Variants in TPP2 observed in about 807,000 individuals in gnomAD.
TPP2 encodes tripeptidyl peptidase 2.
Under a neutral mutation model 155.9 loss-of-function variants are expected in TPP2, and 34 were observed. The observed-to-expected ratio is 0.22, with a 90% CI of 0.17 to 0.29. The LOEUF (loss-of-function observed/expected upper bound fraction) is 0.29. Among genes scored for constraint, TPP2 ranks in the 10% least tolerant of loss-of-function variants. The probability of loss-of-function intolerance (pLI) is 1.00; values close to 1 mark genes in which losing one functional copy is unlikely to be tolerated. For missense variants in TPP2, 1,028 were observed against 1,522.3 expected, an observed-to-expected ratio of 0.68 and a Z score of 5.40; for synonymous variants, 510 against 529.4, an observed-to-expected ratio of 0.96 and a Z score of 0.50.
intron 8 of TPP2, among the ~76,000 whole-genome samples, 164 bp from the exon 9 acceptor site, chr13:102,629,318 T>A (rs975716577): frequency 6.6e-6 from 1 of 152,156 alleles, no homozygotes; most frequent in Admixed American, 6.5e-5. Flanking sequence ...TTCCCTACCC[T>A]AAAGCCCAAG....
chr13:102,641,235 T>C (rs2139521849), intron 16 of TPP2, among the ~76,000 whole-genome samples: 1 of 152,308 alleles, frequency 6.6e-6, no homozygotes, highest in South Asian at 2.1e-4. Flanking sequence ...AAATTTACAA[T>C]TTAGCAGTCA....
chr13:102,611,066 A>C (rs1469935145), intron 2 of TPP2, among the ~76,000 whole-genome samples: 5 of 152,166 alleles, frequency 3.3e-5, no homozygotes, highest in Non-Finnish European at 7.3e-5. Context: ...ATTTCATCAT[A>C]CGTCATTTTT....
At chr13:102,618,946 C>A in intron 5 of TPP2, 100 bp downstream of exon 5, 1 of 1,382,840 alleles carries the variant, frequency 7.2e-7, no homozygotes, top group South Asian at 1.8e-5. Context: ...TTGGTTTATT[C>A]GTGATATCAC....
chr13:102,620,458 G>A (rs2139456558), intron 5 of TPP2, among the ~76,000 whole-genome samples: 1 of 152,202 alleles, frequency 6.6e-6, no homozygotes, highest in East Asian at 1.9e-4. Context: ...TGATCTCAGA[G>A]ATCCAAAATT....
At chr13:102,620,169 TACCAGTGTGTGTTTCC>T (rs924142578) in intron 5 of TPP2, among the ~76,000 whole-genome samples, 7 of 152,228 alleles carry the variant, frequency 4.6e-5, no homozygotes, top group African/African-American at 1.7e-4. Flanking sequence ...ATGTCCAGGG[TACCAGTGTGTGTTTCC>T]ACAAGATTTC....
In TPP2 at chr13:102,619,213, C is replaced by T. The variant is rs527369319; in HGVS notation, c.620+367C>T. Among the ~76,000 whole-genome samples, 31 of 152,236 alleles carry T rather than the reference C, an allele frequency of 2.0e-4. No individual in the cohort carries two copies. The South Asian group carries it at 3.9e-3, about 19-fold the overall frequency. ...CTAGATATAGTAAGCAATCAATGTA[C>T]GCTGTTGCTGCTGCTGTTTCTATTA... On this transcript the variant is annotated intron_variant, in intron 5 of 29. Coordinates refer to ENST00000376052, the MANE Select transcript of TPP2 (RefSeq NM_001330588.2).
intron 29 of TPP2, among the ~76,000 whole-genome samples, chr13:102,677,715 C>T (rs1380098479): frequency 2.0e-5 from 3 of 152,220 alleles, no homozygotes; most frequent in African/African-American, 7.2e-5. Flanking sequence ...CTTTCTTAAC[C>T]ATCTAACTCC....
chr13:102,666,426 C>T (rs1264686317), intron 27 of TPP2, among the ~76,000 whole-genome samples: 1 of 152,150 alleles, frequency 6.6e-6, no homozygotes, highest in Non-Finnish European at 1.5e-5. Flanking sequence ...CATTGTTAAT[C>T]TTATTGCAAG....
intron 25 of TPP2, among the ~76,000 whole-genome samples, chr13:102,660,455 A>G (rs1000631851): frequency 3.3e-5 from 5 of 152,202 alleles, no homozygotes; most frequent in African/African-American, 7.2e-5. Flanking sequence ...TGTAAGAATT[A>G]TACGTCAAAA....
Position 102,616,466 on chromosome 13 carries a change from A to G in TPP2, c.461A>G (p.Glu154Gly). The change falls in exon 4 of 30, where the codon GAA becomes GGA. Residue 154 changes from glutamate to glycine, a missense_variant. Glu to Gly is a moderately conservative substitution (Grantham distance 98). Coordinates refer to ENST00000376052, the MANE Select transcript of TPP2 (RefSeq NM_001330588.2). Reference sequence around the variant, plus strand: ...CTTGCAGAAGCCTGTAGAAAACAGGAAGAATTTGATGTTGCCAACAACGGC... The same window carrying G: ...CTTGCAGAAGCCTGTAGAAAACAGGGAGAATTTGATGTTGCCAACAACGGC... ...VALAEACRKQ[E>G]EFDVANNGSS... 1 of 1,612,504 alleles carries G rather than the reference A, an allele frequency of 6.2e-7. No individual in the cohort carries two copies. Among genetic ancestry groups the G allele is most frequent in the East Asian group, 2.2e-5 (1 of 44,834 alleles).
At chr13:102,600,442 C>T (rs1459845952) in intron 1 of TPP2, among the ~76,000 whole-genome samples, 2 of 151,922 alleles carry the variant, frequency 1.3e-5, no homozygotes, top group Non-Finnish European at 2.9e-5. Context: ...GTGTTAGGGC[C>T]TGCAGCTTCA....
chr13:102,608,407 C>T (rs1053158025), intron 2 of TPP2, among the ~76,000 whole-genome samples: 1 of 151,804 alleles, frequency 6.6e-6, no homozygotes, highest in Admixed American at 6.6e-5. Context: ...TAGGTAACTT[C>T]CTCTCCGTTG....
intron 25 of TPP2, among the ~76,000 whole-genome samples, chr13:102,661,846 CT>C (rs1330515292): frequency 1.3e-5 from 2 of 152,278 alleles, no homozygotes; most frequent in East Asian, 3.9e-4. Flanking sequence ...ATGATGCAGA[CT>C]TTTTGGAAAA....
At chr13:102,623,114 G>A in intron 6 of TPP2, 74 bp downstream of exon 6, 1 of 1,464,654 alleles carries the variant, frequency 6.8e-7, no homozygotes, top group Non-Finnish European at 9.2e-7. Context: ...ATAGCTCACA[G>A]CAACCTTCTA....
In TPP2 at chr13:102,678,418, CTATCCAGTACTGATTATTAAAAT is replaced by C; in HGVS notation, c.*103_*125del. Reference sequence around the variant, plus strand: ...TTAGTCTAATGCATGTTTTCATCCACTATCCAGTACTGATTATTAAAATGACATGTATTTATCAGAGAATTCAC... The same window carrying C: ...TTAGTCTAATGCATGTTTTCATCCACGACATGTATTTATCAGAGAATTCAC... On this transcript the variant is annotated 3_prime_UTR_variant, in exon 30 of 30. Transcript: ENST00000376052. The C allele has an allele frequency of 1.2e-6, 1 of 856,668 alleles. No individual in the cohort carries two copies. The allele number at this position is 856,668 out of a possible 1,614,324, so 53.1% of individuals were successfully genotyped here.
intron 14 of TPP2, among the ~76,000 whole-genome samples, chr13:102,637,468 T>TA (rs565963936): frequency 9.3e-4 from 142 of 152,282 alleles, no homozygotes; most frequent in African/African-American, 3.3e-3. Flanking sequence ...AAAGAAGAGG[T>TA]ACAGCAGAAC....
chr13:102,659,626 T>C (rs73581171), intron 25 of TPP2, among the ~76,000 whole-genome samples: 12,122 of 152,134 alleles, frequency 0.08, 631 homozygotes, highest in Middle Eastern at 0.15. Flanking sequence ...CCTTTAAAAA[T>C]GAAAATGAAA....
At chr13:102,673,681 T>TTGCATAG (rs1885125533) in intron 27 of TPP2, among the ~76,000 whole-genome samples, 1 of 152,234 alleles carries the variant, frequency 6.6e-6, no homozygotes, top group African/African-American at 2.4e-5. Flanking sequence ...GATCTGCCAC[T>TTGCATAG]TCCTAACTGG....
At chr13:102,646,217 T>G in intron 19 of TPP2, 77 bp from the exon 20 acceptor site, 3 of 1,210,066 alleles carry the variant, frequency 2.5e-6, no homozygotes. Flanking sequence ...ATGTTACAGA[T>G]TTTGTTGCAT....
Sources: allele counts gnomAD v4.1 joint callset (sites outside exome capture counted in the v4.1 genomes callset), GRCh38; gene constraint gnomAD v4.1.1; transcripts MANE v1.5; gene names NCBI Gene and HGNC (gene_info 2026-07-23, HGNC 2026-07-21).